Variants in WRN observed in about 807,000 individuals in gnomAD.
WRN encodes WRN RecQ like helicase, also known as bifunctional 3'-5' exonuclease/ATP-dependent helicase WRN.
A neutral mutation model predicts 180.7 loss-of-function variants in WRN; 149 were observed. The observed-to-expected ratio is 0.82, with a 90% confidence interval of 0.72 to 0.94. The LOEUF is 0.94. Ranked by LOEUF, WRN falls within the 40% of genes least tolerant of loss-of-function variation. The pLI is 0.00. For missense variants in WRN, 1,661 were observed against 1,700.1 expected (o/e 0.98, Z 0.40); for synonymous variants, 548 against 568.9 (o/e 0.96, Z 0.52).
chr8:31,036,112 G>T (rs929603366), intron 1 of WRN, among the ~76,000 whole-genome samples: 2 of 152,160 alleles, frequency 1.3e-5, no homozygotes, highest in African/African-American at 4.8e-5. Flanking sequence ...GAGAACATGC[G>T]ATATTTGTCT....
At chr8:31,112,840 G>A (rs11574297) in intron 19 of WRN, among the ~76,000 whole-genome samples, 4,943 of 152,024 alleles carry the variant, frequency 0.033, 269 homozygotes, top group African/African-American at 0.11. Flanking sequence ...CACCTGTGTT[G>A]GCCTTCCAAA....
chr8:31,056,932 A>G (rs904173999), intron 1 of WRN, among the ~76,000 whole-genome samples: 1 of 152,068 alleles, frequency 6.6e-6, no homozygotes, highest in Non-Finnish European at 1.5e-5. Flanking sequence ...TGTCATTGGG[A>G]TGTTTACTGG....
chr8:31,165,383 T>C (rs184885289), intron 33 of WRN, among the ~76,000 whole-genome samples: 14 of 152,190 alleles, frequency 9.2e-5, no homozygotes, highest in African/African-American at 3.1e-4. Context: ...ATATGGTCTT[T>C]CTAAAACAGC....
At chr8:31,064,228 T>G in intron 3 of WRN, 61 bp from the exon 4 acceptor site, 1 of 1,594,552 alleles carries the variant, frequency 6.3e-7, no homozygotes, top group Non-Finnish European at 8.6e-7. Context: ...ATTATGTCTT[T>G]AGTTATGCAG....
intron 11 of WRN, among the ~76,000 whole-genome samples, chr8:31,087,427 C>T (rs1393436535): frequency 1.3e-5 from 2 of 152,124 alleles, no homozygotes; most frequent in Non-Finnish European, 2.9e-5. Context: ...ACATTAAAAT[C>T]CACGTTTACT....
At chr8:31,105,443 C>T (rs1801059877) in intron 18 of WRN, among the ~76,000 whole-genome samples, 1 of 139,852 alleles carries the variant, frequency 7.2e-6, no homozygotes, top group African/African-American at 2.7e-5. Flanking sequence ...TTTCACCCAA[C>T]ATACAGTTTT....
chr8:31,113,160 C>T (rs1450551245), intron 19 of WRN, among the ~76,000 whole-genome samples: 2 of 147,094 alleles, frequency 1.4e-5, no homozygotes, highest in African/African-American at 5.0e-5. Context: ...GAGCTGAGAT[C>T]ACACCACTGT....
chr8:31,059,323 A>G, intron 3 of WRN, 58 bp downstream of exon 3: 1 of 1,402,656 alleles, frequency 7.1e-7, no homozygotes. Flanking sequence ...AGGTACTATT[A>G]TGGTAATGTT....
chr8:31,153,078 C>G (rs1308974617), intron 31 of WRN, among the ~76,000 whole-genome samples: 1 of 151,720 alleles, frequency 6.6e-6, no homozygotes, highest in Non-Finnish European at 1.5e-5. Context: ...TCTCAACTTT[C>G]AGGTGAGCTG....
At chr8:31,137,710 A>G (rs1267766847) in intron 24 of WRN, among the ~76,000 whole-genome samples, 2 of 152,180 alleles carry the variant, frequency 1.3e-5, no homozygotes, top group African/African-American at 2.4e-5. Flanking sequence ...TGCCAGAGCT[A>G]TGACGTGAAC....
rs183197911 is a variant in WRN at position 31,163,514 on chromosome 8, A to G, written c.3983-3508A>G. ...TTACTCGTGTTAAAGTTGTACTGCC[A>G]ATTAACTTAAAAGAAAGAAATATGC... On this transcript the variant is annotated intron_variant, in intron 33 of 34. Coordinates refer to ENST00000298139, the MANE Select transcript of WRN (RefSeq NM_000553.6). Among the ~76,000 whole-genome samples, 20 of 151,240 alleles carry G rather than the reference A, an allele frequency of 1.3e-4. No individual in the cohort carries two copies. The East Asian group carries it at 3.5e-3, about 26-fold the overall frequency.
chr8:31,099,428 C>G (rs1206870560), intron 17 of WRN, among the ~76,000 whole-genome samples: 1 of 149,290 alleles, frequency 6.7e-6, no homozygotes, highest in Non-Finnish European at 1.5e-5. Flanking sequence ...AAATCAGTCA[C>G]TCACTCAGGT....
intron 23 of WRN, among the ~76,000 whole-genome samples, chr8:31,131,175 A>G (rs1395470156): frequency 5.0e-4 from 2 of 4,022 alleles, no homozygotes; most frequent in African/African-American, 1.5e-3. Context: ...TTTTTGAGAC[A>G]GAGTTTTGCT....
intron 1 of WRN, among the ~76,000 whole-genome samples, chr8:31,053,416 T>C (rs1812149759): frequency 6.6e-6 from 1 of 152,212 alleles, no homozygotes. Context: ...AAAATTCAAA[T>C]GGTGAACCTA....
At chr8:31,114,912 T>C (rs1801455750) in intron 19 of WRN, among the ~76,000 whole-genome samples, 1 of 141,080 alleles carries the variant, frequency 7.1e-6, no homozygotes, top group Admixed American at 7.0e-5. Flanking sequence ...TTTTTTTTTT[T>C]TGACATGGAG....
intron 34 of WRN, among the ~76,000 whole-genome samples, chr8:31,169,155 A>C (rs1461040092): frequency 2.6e-5 from 4 of 151,902 alleles, no homozygotes; most frequent in African/African-American, 7.2e-5. Flanking sequence ...ACCCAGCTTC[A>C]ATATTTTTCA....
chr8:31,086,119 G>A (rs1450587770), intron 11 of WRN, among the ~76,000 whole-genome samples: 3 of 152,128 alleles, frequency 2.0e-5, no homozygotes, highest in South Asian at 2.1e-4. Flanking sequence ...AGCCAATGTA[G>A]CTAAATTAAG....
At chr8:31,131,169 T>TTTTTTTTTTTTTA (rs1802153775) in intron 23 of WRN, among the ~76,000 whole-genome samples, 1 of 148,666 alleles carries the variant, frequency 6.7e-6, no homozygotes. Context: ...TCTTTTTTTT[T>TTTTTTTTTTTTTA]GAGACAGAGT....
intron 31 of WRN, among the ~76,000 whole-genome samples, chr8:31,152,240 A>T (rs1803164181): frequency 6.6e-6 from 1 of 152,016 alleles, no homozygotes; most frequent in Non-Finnish European, 1.5e-5. Flanking sequence ...CTGAGGCAGG[A>T]GAATGGCGTG....
Sources: gnomAD v4.1 joint callset for allele counts (sites outside exome capture counted in the v4.1 genomes callset) on GRCh38, gnomAD v4.1.1 for gene constraint, MANE v1.5 for transcripts, NCBI Gene and HGNC (gene_info 2026-07-23, HGNC 2026-07-21) for gene names.